IL6R: variants seen among roughly 807,000 people sequenced by gnomAD.
IL6R encodes interleukin 6 receptor.
In IL6R, 38 loss-of-function variants were observed where a neutral mutation model predicts 48.3. The observed-to-expected ratio is 0.79, with a 90% CI of 0.61 to 1.03. The LOEUF is 1.03. IL6R is among the 50% of genes least tolerant of loss of function. The probability of loss-of-function intolerance (pLI) is 0.00; values close to 1 mark genes in which losing one functional copy is unlikely to be tolerated. For synonymous variants in IL6R, 264 were observed against 256.2 expected (o/e 1.03, Z -0.29); for missense variants, 534 against 618.3 (o/e 0.86, Z 1.45).
intron 1 of IL6R, among the ~76,000 whole-genome samples, chr1:154,417,741 T>C (rs868771304): frequency 4.0e-5 from 6 of 148,474 alleles, no homozygotes; most frequent in African/African-American, 1.5e-4. Flanking sequence ...AGCTAATTTT[T>C]TTTTTTTTTT....
chr1:154,445,882 C>T (rs954335276), intron 6 of IL6R, among the ~76,000 whole-genome samples: 1 of 152,074 alleles, frequency 6.6e-6, no homozygotes, highest in African/African-American at 2.4e-5. Context: ...GCACGAGCAT[C>T]CATGGGCAGC....
At chr1:154,417,974 C>T (rs1168024400) in intron 1 of IL6R, among the ~76,000 whole-genome samples, 4 of 152,072 alleles carry the variant, frequency 2.6e-5, no homozygotes, top group Non-Finnish European at 4.4e-5. Flanking sequence ...ACCTTGTGAT[C>T]CGACCTTCTC....
chr1:154,462,885 G>A (rs1345702403), intron 9 of IL6R, among the ~76,000 whole-genome samples: 1 of 152,116 alleles, frequency 6.6e-6, no homozygotes, highest in Non-Finnish European at 1.5e-5. Flanking sequence ...TCAGCACACT[G>A]CAACCTCTGC....
At position 154,420,124 on chromosome 1, in the gene IL6R, A is replaced by G. The variant is rs367704671; in HGVS notation, c.86-9072A>G. 9.9e-5 allele frequency among the ~76,000 whole-genome samples: 15 copies of G among 152,252 alleles called. 1 individual carries two copies. The East Asian group carries it at 2.7e-3, about 28-fold the overall frequency. On this transcript the variant is annotated intron_variant, in intron 1 of 9. Coordinates refer to ENST00000368485, the MANE Select transcript of IL6R (RefSeq NM_000565.4). ...AATTTTCCCTCCCCTAGAGCTCTCC[A>G]GGGAGAAAGAAGCATTTTTCTGAGG... is the stretch of plus-strand genomic sequence containing the variant.
In IL6R at chr1:154,454,483, C is replaced by A. The variant is rs1690759419; in HGVS notation, c.1067-5C>A. 3.8e-6 allele frequency: 6 copies of A among 1,595,238 alleles called. No homozygotes were observed. In the African/African-American group the frequency reaches 4.0e-5, roughly 11 times the overall value. On this transcript the variant is annotated splice_region_variant and splice_polypyrimidine_tract_variant and intron_variant, in intron 8 of 9. Coordinates refer to ENST00000368485, the MANE Select transcript of IL6R (RefSeq NM_000565.4). ...CCTCTATCTTCAATTTTTTTTTTAA[C>A]CTAGTGCAAGATTCTTCTTCAGTAC...
intron 6 of IL6R, among the ~76,000 whole-genome samples, chr1:154,438,978 T>C (rs948902853): frequency 9.9e-5 from 15 of 152,148 alleles, no homozygotes; most frequent in African/African-American, 3.6e-4. Flanking sequence ...AATAAATCAG[T>C]GCATCCTTCA....
chr1:154,467,885 A>T lies in IL6R; in HGVS notation c.*2505A>T, dbSNP rs1211231896. The T allele has an allele frequency of 6.6e-6, 1 of 152,214 alleles. No individual in the cohort carries two copies. The highest frequency in any genetic ancestry group is 1.5e-5 in the Non-Finnish European group (1 of 68,046). The allele number at this position is 152,214 out of a possible 1,614,324, so 9.4% of individuals were successfully genotyped here. On this transcript the variant is annotated 3_prime_UTR_variant, in exon 10 of 10. Coordinates refer to ENST00000368485, the MANE Select transcript of IL6R (RefSeq NM_000565.4). ...AGAATGAGAATCTGCAGTAAGGGTG[A>T]TTCTGTGCCCACAGTTCTTCAATTC... is the stretch of plus-strand genomic sequence containing the variant.
At chr1:154,414,531 G>T in intron 1 of IL6R, 2 of 777,792 alleles carry the variant, frequency 2.6e-6, no homozygotes, top group Non-Finnish European at 2.2e-6. Context: ...ATCTTTTTGG[G>T]TGTGTTGAAG....
chr1:154,458,956 A>G (rs1261562605), intron 9 of IL6R, among the ~76,000 whole-genome samples: 2 of 152,030 alleles, frequency 1.3e-5, no homozygotes, highest in Non-Finnish European at 2.9e-5. Flanking sequence ...AACTCCTGCT[A>G]TTTCTATAGG....
At chr1:154,447,284 C>T (rs1690279467) in intron 6 of IL6R, among the ~76,000 whole-genome samples, 1 of 150,758 alleles carries the variant, frequency 6.6e-6, no homozygotes, top group South Asian at 2.1e-4. Flanking sequence ...ACTAAAAATA[C>T]AAAAATTAGC....
intron 1 of IL6R, among the ~76,000 whole-genome samples, chr1:154,409,895 C>A (rs1376587778): frequency 6.6e-6 from 1 of 152,064 alleles, no homozygotes; most frequent in Non-Finnish European, 1.5e-5. Context: ...TGGCATGGTG[C>A]CTTGGATGGG....
intron 9 of IL6R, among the ~76,000 whole-genome samples, chr1:154,457,724 T>C (rs1158160150): frequency 2.0e-5 from 3 of 152,184 alleles, no homozygotes; most frequent in Non-Finnish European, 2.9e-5. Flanking sequence ...GCTGAAACCC[T>C]AAAAGATGTC....
intron 9 of IL6R, among the ~76,000 whole-genome samples, chr1:154,464,743 G>C (rs1273672693): frequency 6.6e-6 from 1 of 151,870 alleles, no homozygotes; most frequent in Non-Finnish European, 1.5e-5. Context: ...CGGATTGCTC[G>C]AGCCCAGGAA....
chr1:154,454,411 G>T, intron 8 of IL6R, 77 bp from the exon 9 acceptor site: 2 of 923,520 alleles, frequency 2.2e-6, no homozygotes, highest in East Asian at 2.6e-5. Flanking sequence ...CCAGCTAAGT[G>T]GTTTTCTTCT....
At chr1:154,426,217 G>A (rs966180916) in intron 1 of IL6R, among the ~76,000 whole-genome samples, 24 of 149,324 alleles carry the variant, frequency 1.6e-4, no homozygotes, top group Non-Finnish European at 2.8e-4. Flanking sequence ...AAGGAAGTTC[G>A]AGAAAAGCAC....
At chr1:154,406,243 C>T (rs1216026977) in intron 1 of IL6R, among the ~76,000 whole-genome samples, 1 of 152,186 alleles carries the variant, frequency 6.6e-6, no homozygotes, top group African/African-American at 2.4e-5. Flanking sequence ...GGACTGACAT[C>T]ACGGGCGCTG....
rs1691623009 is a variant in IL6R, at chr1:154,467,718, T to C, written c.*2338T>C. ...GAGTTTGAGACCAACCTGGGTAACA[T>C]AGTGAGACACCATCTCTATTATGAA... On this transcript the variant is annotated 3_prime_UTR_variant, in exon 10 of 10. Transcript: ENST00000368485. 1 of 152,022 alleles carries C rather than the reference T, an allele frequency of 6.6e-6. No homozygotes were observed. Among genetic ancestry groups the C allele is most frequent in the African/African-American group, 2.4e-5 (1 of 41,342 alleles). The allele number at this position is 152,022 out of a possible 1,614,324, so 9.4% of individuals were successfully genotyped here. A position where few individuals can be genotyped will look rare whatever the true frequency, so the allele number is the denominator to read the frequency against.
In IL6R at chr1:154,463,140, C is replaced by A. The variant is rs532885256; in HGVS notation, c.1161-1994C>A. ...TTATAAAAAACACTGTGTTGAACAT[C>A]TTTGTGCATAAAGGGTTTTTTTTTT... On this transcript the variant is annotated intron_variant, in intron 9 of 9. Coordinates refer to ENST00000368485, the MANE Select transcript of IL6R (RefSeq NM_000565.4). 3.0e-5 allele frequency among the ~76,000 whole-genome samples: 4 copies of A among 134,136 alleles called. No individual in the cohort carries two copies. In the South Asian group the frequency reaches 7.8e-4, roughly 26 times the overall value. The allele number at this position is 134,136 out of a possible 152,430, so 88.0% of individuals were successfully genotyped here.
chr1:154,461,993 T>C lies in IL6R; in HGVS notation c.1161-3141T>C, dbSNP rs149939769. Among the ~76,000 whole-genome samples the C allele has an allele frequency of 3.3e-5, 5 of 152,278 alleles. No individual in the cohort carries two copies. The East Asian group carries it at 5.8e-4, about 18-fold the overall frequency. On this transcript the variant is annotated intron_variant, in intron 9 of 9. Transcript: ENST00000368485. ...TGATCCTTAAACAAAAGTCTTAGGA[T>C]CCTAATGTCAGAAATCCTATCTACA...
Sources: gnomAD v4.1 joint callset for allele counts (sites outside exome capture counted in the v4.1 genomes callset) on GRCh38, gnomAD v4.1.1 for gene constraint, MANE v1.5 for transcripts, NCBI Gene and HGNC (gene_info 2026-07-23, HGNC 2026-07-21) for gene names.